Variants in ERBB4 observed in about 807,000 individuals in gnomAD.
The protein encoded by ERBB4 is erb-b2 receptor tyrosine kinase 4, also known as receptor tyrosine-protein kinase erbB-4.
In ERBB4, 42 loss-of-function variants were observed where a neutral mutation model predicts 158.0. That is an observed-to-expected ratio of 0.27 (90% CI 0.21 to 0.34). The LOEUF (loss-of-function observed/expected upper bound fraction) is 0.34. Among genes scored for constraint, ERBB4 ranks in the 10% least tolerant of loss-of-function variants. The probability of loss-of-function intolerance (pLI) is 1.00; values close to 1 mark genes in which losing one functional copy is unlikely to be tolerated. For synonymous variants in ERBB4, 583 were observed against 558.7 expected (o/e 1.04, Z -0.61); for missense variants, 1,333 against 1,624.1 (o/e 0.82, Z 3.08).
chr2:211,687,229 C>G (rs2072595836), intron 12 of ERBB4, among the ~76,000 whole-genome samples: 2 of 150,318 alleles, frequency 1.3e-5, no homozygotes, highest in African/African-American at 4.9e-5. Context: ...GGCGTGAACC[C>G]AGGAGGCGGA....
intron 3 of ERBB4, among the ~76,000 whole-genome samples, chr2:211,927,998 G>C (rs1225144393): frequency 6.6e-6 from 1 of 152,028 alleles, no homozygotes; most frequent in Non-Finnish European, 1.5e-5. Context: ...AAGGCAACCA[G>C]ACAGAGATGA....
intron 3 of ERBB4, among the ~76,000 whole-genome samples, chr2:211,866,009 T>G (rs892819515): frequency 5.9e-5 from 9 of 152,160 alleles, no homozygotes; most frequent in Non-Finnish European, 1.3e-4. Context: ...CAGGAGAATA[T>G]ACACTTATAC....
chr2:211,883,065 A>G (rs143680649), intron 3 of ERBB4, among the ~76,000 whole-genome samples: 1,703 of 152,334 alleles, frequency 0.011, 16 homozygotes, highest in Non-Finnish European at 0.018. Context: ...CAACAATGAT[A>G]GACCAGATTA....
intron 1 of ERBB4, among the ~76,000 whole-genome samples, chr2:212,361,648 A>C (rs2106363186): frequency 6.6e-6 from 1 of 151,808 alleles, no homozygotes; most frequent in East Asian, 1.9e-4. Flanking sequence ...AAAGTAGAAC[A>C]ATAGTTAGGG....
intron 1 of ERBB4, among the ~76,000 whole-genome samples, chr2:212,165,870 C>T (rs1247503308): frequency 1.3e-5 from 2 of 152,034 alleles, no homozygotes; most frequent in Admixed American, 6.6e-5. Flanking sequence ...TATGAACAAA[C>T]TAAATTCTTC....
intron 20 of ERBB4, among the ~76,000 whole-genome samples, chr2:211,557,751 G>A (rs1030482725): frequency 6.6e-6 from 1 of 152,054 alleles, no homozygotes; most frequent in Non-Finnish European, 1.5e-5. Flanking sequence ...ATTCAACCCA[G>A]CAATCACCTT....
chr2:211,501,077 C>T (rs984749504), intron 20 of ERBB4, among the ~76,000 whole-genome samples: 1 of 151,486 alleles, frequency 6.6e-6, no homozygotes, highest in Non-Finnish European at 1.5e-5. Flanking sequence ...TTACAAGAGG[C>T]TGACTATAAA....
At chr2:212,089,580 G>C (rs188817187) in intron 2 of ERBB4, among the ~76,000 whole-genome samples, 1 of 152,212 alleles carries the variant, frequency 6.6e-6, no homozygotes, top group East Asian at 1.9e-4. Context: ...TTGTTTAAAA[G>C]TATTTAGCAC....
chr2:211,525,950 A>G (rs922548950), intron 20 of ERBB4, among the ~76,000 whole-genome samples: 7 of 152,012 alleles, frequency 4.6e-5, no homozygotes, highest in African/African-American at 1.2e-4. Flanking sequence ...GTAAGCTTCT[A>G]TGGTTTTTCA....
intron 15 of ERBB4, chr2:211,658,087 T>C (rs2071286603): frequency 2.3e-6 from 2 of 886,338 alleles, no homozygotes; most frequent in Non-Finnish European, 3.4e-6. Context: ...CGAATTCTTA[T>C]AACTATTAGA....
chr2:212,343,278 C>T (rs1043405809), intron 1 of ERBB4, among the ~76,000 whole-genome samples: 4 of 152,128 alleles, frequency 2.6e-5, no homozygotes, highest in Non-Finnish European at 5.9e-5. Flanking sequence ...CACACACCTC[C>T]ATATCATGTG....
At chr2:211,618,835 A>G (rs1292858117) in intron 19 of ERBB4, among the ~76,000 whole-genome samples, 2 of 152,106 alleles carry the variant, frequency 1.3e-5, no homozygotes, top group African/African-American at 2.4e-5. Flanking sequence ...GAAATTATGT[A>G]TTGCTCTCAC....
chr2:211,897,056 TTATTA>T (rs1300756773), intron 3 of ERBB4, among the ~76,000 whole-genome samples: 3 of 149,940 alleles, frequency 2.0e-5, no homozygotes, highest in African/African-American at 7.3e-5. Context: ...ATTATACAAA[TTATTA>T]TATAAGTATA....
At chr2:212,502,434 C>T (rs1282612859) in intron 1 of ERBB4, among the ~76,000 whole-genome samples, 2 of 152,154 alleles carry the variant, frequency 1.3e-5, no homozygotes, top group Non-Finnish European at 2.9e-5. Context: ...TGTTCTATAA[C>T]TTAGCATACT....
At chr2:212,182,602 T>C (rs1316274992) in intron 1 of ERBB4, among the ~76,000 whole-genome samples, 1 of 151,858 alleles carries the variant, frequency 6.6e-6, no homozygotes, top group Admixed American at 6.6e-5. Flanking sequence ...GAGCATATTT[T>C]ATTTCAGTGG....
intron 3 of ERBB4, among the ~76,000 whole-genome samples, chr2:211,905,647 C>A (rs1253307450): frequency 1.4e-5 from 1 of 71,446 alleles, no homozygotes; most frequent in Non-Finnish European, 2.8e-5. Flanking sequence ...TAGGAAGGAT[C>A]ATATATATAT....
chr2:212,382,100 A>G (rs1390872858), intron 1 of ERBB4, among the ~76,000 whole-genome samples: 1 of 150,758 alleles, frequency 6.6e-6, no homozygotes, highest in Non-Finnish European at 1.5e-5. Flanking sequence ...AATATATATT[A>G]TTATACACAT....
chr2:211,762,862 TGTCC>T (rs1179857720), intron 4 of ERBB4, among the ~76,000 whole-genome samples: 1 of 152,246 alleles, frequency 6.6e-6, no homozygotes, highest in Non-Finnish European at 1.5e-5. Flanking sequence ...CTCTTCCTGC[TGTCC>T]GTCATCACAA....
At chr2:211,499,534 C>A (rs2065563350) in intron 20 of ERBB4, among the ~76,000 whole-genome samples, 2 of 151,800 alleles carry the variant, frequency 1.3e-5, no homozygotes, top group African/African-American at 4.8e-5. Flanking sequence ...AAAAACAAAA[C>A]AAAACAAAGC....
Sources: allele counts gnomAD v4.1 joint callset (sites outside exome capture counted in the v4.1 genomes callset), GRCh38; gene constraint gnomAD v4.1.1; transcripts MANE v1.5; gene names NCBI Gene and HGNC (gene_info 2026-07-23, HGNC 2026-07-21).